The following SYNE1 variants were observed in gnomAD, a reference collection of about 807,000 sequenced individuals.
SYNE1 encodes the protein nesprin-1.
A neutral mutation model predicts 1,111.0 loss-of-function variants in SYNE1; 616 were observed. The observed-to-expected ratio is 0.55, with a 90% CI of 0.52 to 0.59. SYNE1 has a LOEUF of 0.59. Among genes scored for constraint, SYNE1 ranks in the 20% least tolerant of loss-of-function variants. The pLI is 0.00. For synonymous variants in SYNE1, 3,855 were observed against 3,825.8 expected (o/e 1.01, Z -0.28); for missense variants, 10,006 against 10,417.0 (o/e 0.96, Z 1.72).
At position 152,520,439 on chromosome 6, in the gene SYNE1, TG is replaced by T; in HGVS notation, c.309+19del. 1 of 1,612,350 alleles carries T rather than the reference TG, an allele frequency of 6.2e-7. No individual in the cohort carries two copies. Among genetic ancestry groups the T allele is most frequent in the Non-Finnish European group, 8.5e-7 (1 of 1,179,190 alleles). The stretch of plus-strand genomic sequence containing the variant: ...CCCACACCTTCTTCCTTGGGCATTT[TG>T]TTTTTGTTTCTCTCTTACCTTTCTT... On this transcript the variant is annotated intron_variant, in intron 6 of 145. Transcript: ENST00000367255.
chr6:152,374,917 A>G lies in SYNE1; in HGVS notation c.9324+1464T>C, dbSNP rs999746032. Among the ~76,000 whole-genome samples the G allele has an allele frequency of 5.3e-5, 8 of 149,712 alleles. No homozygotes were observed. The South Asian group carries it at 1.5e-3, about 28-fold the overall frequency. On this transcript the variant is annotated intron_variant, in intron 58 of 145. Coordinates refer to ENST00000367255, the MANE Select transcript of SYNE1 (RefSeq NM_182961.4). ...GGGAAGAATTTTACATTTTATTTTTAGTTTATTATTTTATTTTATTTTATT... is the reference window on the plus strand; with the variant it reads ...GGGAAGAATTTTACATTTTATTTTTGGTTTATTATTTTATTTTATTTTATT...
chr6:152,342,000 G>A (rs2096543934), intron 74 of SYNE1, among the ~76,000 whole-genome samples: 1 of 152,054 alleles, frequency 6.6e-6, no homozygotes, highest in African/African-American at 2.4e-5. Context: ...TAAAAAAAGG[G>A]AACAAAATAA....
intron 13 of SYNE1, among the ~76,000 whole-genome samples, chr6:152,483,688 G>A (rs1216584196): frequency 6.6e-6 from 1 of 152,082 alleles, no homozygotes; most frequent in Non-Finnish European, 1.5e-5. Flanking sequence ...ATCAGAACAA[G>A]TTCAGAAAAA....
intron 72 of SYNE1, among the ~76,000 whole-genome samples, chr6:152,348,791 A>T (rs1194455755): frequency 6.6e-6 from 1 of 151,762 alleles, no homozygotes; most frequent in Non-Finnish European, 1.5e-5. Flanking sequence ...AAGTGACACA[A>T]TCCAACATAG....
At chr6:152,322,865 C>G (rs957172782) in intron 82 of SYNE1, among the ~76,000 whole-genome samples, 5 of 152,178 alleles carry the variant, frequency 3.3e-5, no homozygotes, top group Non-Finnish European at 5.9e-5. Flanking sequence ...CTGCTTGTCT[C>G]TGCTTCGGAT....
At chr6:152,354,012 C>T (rs751330328) in intron 67 of SYNE1, among the ~76,000 whole-genome samples, 14 of 152,268 alleles carry the variant, frequency 9.2e-5, no homozygotes, top group Middle Eastern at 3.4e-3. Flanking sequence ...CGGTGGCTCA[C>T]GCCTGTAGTC....
chr6:152,340,290 G>A (rs2096504974), intron 74 of SYNE1, among the ~76,000 whole-genome samples: 2 of 152,180 alleles, frequency 1.3e-5, no homozygotes, highest in Admixed American at 6.5e-5. Context: ...TCAGGTGTGA[G>A]CAGAGGTCGG....
At chr6:152,208,979 A>T (rs191525801) in intron 124 of SYNE1, among the ~76,000 whole-genome samples, 15 of 152,030 alleles carry the variant, frequency 9.9e-5, no homozygotes, top group Non-Finnish European at 1.6e-4. Context: ...GCTTTAAAAA[A>T]ATATAGGTAG....
chr6:152,465,766 TACAC>T (rs71017538), intron 17 of SYNE1, among the ~76,000 whole-genome samples: 8 of 133,462 alleles, frequency 6.0e-5, no homozygotes, highest in Non-Finnish European at 9.9e-5. Context: ...GAAGAACACA[TACAC>T]ACACACACAC....
intron 3 of SYNE1, among the ~76,000 whole-genome samples, chr6:152,576,564 A>T (rs1211728970): frequency 6.6e-6 from 1 of 152,188 alleles, no homozygotes; most frequent in African/African-American, 2.4e-5. Context: ...TAGGGGATGC[A>T]GGCTACCCCA....
intron 3 of SYNE1, among the ~76,000 whole-genome samples, chr6:152,542,369 A>G (rs2099275421): frequency 6.6e-6 from 1 of 152,252 alleles, no homozygotes; most frequent in Non-Finnish European, 1.5e-5. Context: ...TAACATGCTC[A>G]TTAATTTTCA....
chr6:152,480,769 T>G (rs1406894795), intron 14 of SYNE1: 5 of 456,150 alleles, frequency 1.1e-5, no homozygotes, highest in Non-Finnish European at 1.8e-5. Context: ...TTTATTACAT[T>G]CCTTAGTTTT....
At chr6:152,577,636 G>T (rs897951378) in intron 3 of SYNE1, among the ~76,000 whole-genome samples, 1 of 151,786 alleles carries the variant, frequency 6.6e-6, no homozygotes, top group Non-Finnish European at 1.5e-5. Flanking sequence ...CCATCTCAAC[G>T]ACAACAAAAG....
At chr6:152,425,586 G>T (rs780534819) in intron 38 of SYNE1, 39 bp from the exon 39 acceptor site, 1 of 1,612,664 alleles carries the variant, frequency 6.2e-7, no homozygotes. Flanking sequence ...ATCCTAACAG[G>T]ACTGAAAAGT....
rs368859645 is a variant in SYNE1 at position 152,505,330 on chromosome 6, T to C, written c.649A>G (p.Ile217Val). The C allele has an allele frequency of 1.2e-6, 2 of 1,613,998 alleles. No homozygotes were observed. The highest frequency in any genetic ancestry group is 2.7e-5 in the African/African-American group (2 of 74,906). Residue 217 changes from isoleucine to valine, a missense_variant, in exon 9 of 146, where the codon ATT becomes GTT. Ile to Val is a conservative substitution (Grantham distance 29). Coordinates refer to ENST00000367255, the MANE Select transcript of SYNE1 (RefSeq NM_182961.4). ...WRSGVAFHSV[I>V]HAIRPELVDL... The stretch of plus-strand genomic sequence containing the variant: ...ACCAATTCCGGTCGAATGGCATGAA[T>C]AACTGAATGAAAGGCAACCCCGCTT...
At chr6:152,597,143 A>G (rs1297666305) in intron 3 of SYNE1, among the ~76,000 whole-genome samples, 2 of 152,270 alleles carry the variant, frequency 1.3e-5, no homozygotes, top group African/African-American at 4.8e-5. Flanking sequence ...ATATTTTAGT[A>G]AACCAACAGA....
intron 3 of SYNE1, among the ~76,000 whole-genome samples, chr6:152,599,938 C>T (rs1326099074): frequency 1.3e-5 from 2 of 152,090 alleles, no homozygotes; most frequent in African/African-American, 4.8e-5. Flanking sequence ...TAACTGGAGA[C>T]ACAAGAACTA....
intron 106 of SYNE1, 96 bp from the exon 107 acceptor site, chr6:152,242,536 C>T: frequency 7.3e-7 from 1 of 1,376,950 alleles, no homozygotes; most frequent in Non-Finnish European, 1.0e-6. Flanking sequence ...CGAGACCCAA[C>T]CAAGAAAATG....
intron 141 of SYNE1, among the ~76,000 whole-genome samples, chr6:152,136,104 T>C (rs1014766630): frequency 6.6e-5 from 10 of 152,244 alleles, no homozygotes; most frequent in African/African-American, 2.2e-4. Flanking sequence ...ATCATCCACG[T>C]CTGCAAGTAT....
Sources: gnomAD v4.1 joint callset for allele counts (sites outside exome capture counted in the v4.1 genomes callset) on GRCh38, gnomAD v4.1.1 for gene constraint, MANE v1.5 for transcripts, NCBI Gene and HGNC (gene_info 2026-07-23, HGNC 2026-07-21) for gene names.